The following EEPD1 variants were observed in gnomAD, a reference collection of about 807,000 sequenced individuals.
The protein encoded by EEPD1 is endonuclease/exonuclease/phosphatase family domain-containing protein 1.
In EEPD1, 17 loss-of-function variants were observed where a neutral mutation model predicts 46.3. That is an observed-to-expected ratio of 0.37 (90% CI 0.25 to 0.55). The LOEUF is 0.55. Among genes scored for constraint, EEPD1 ranks in the 20% least tolerant of loss-of-function variants. The pLI, the probability that EEPD1 is intolerant of heterozygous loss-of-function variation, is 0.83. For synonymous variants in EEPD1, 313 were observed against 315.6 expected, an observed-to-expected ratio of 0.99 and a Z score of 0.09; for missense variants, 673 against 745.6, an observed-to-expected ratio of 0.90 and a Z score of 1.13.
intron 3 of EEPD1, among the ~76,000 whole-genome samples, chr7:36,244,896 C>T (rs1170056794): frequency 6.6e-6 from 1 of 151,202 alleles, no homozygotes; most frequent in Non-Finnish European, 1.5e-5. Context: ...CCTCAGCCTC[C>T]TGAGTAGCTG....
chr7:36,245,478 G>A (rs1289177648), intron 3 of EEPD1, among the ~76,000 whole-genome samples: 2 of 152,068 alleles, frequency 1.3e-5, no homozygotes, highest in African/African-American at 2.4e-5. Context: ...AAATCAGTAG[G>A]GTTCTAGTTT....
chr7:36,299,224 G>GT lies in EEPD1; in HGVS notation c.*19dup, dbSNP rs574402588. On this transcript the variant is annotated 3_prime_UTR_variant, in exon 8 of 8. Transcript: ENST00000242108. Reference sequence around the variant, plus strand: ...AGCGATGATGACACCAAATCCATGTGTCCACCCTGGGACCCAGGAGGGCAC... The same window carrying GT: ...AGCGATGATGACACCAAATCCATGTGTTCCACCCTGGGACCCAGGAGGGCAC... 9.3e-4 allele frequency: 1,494 copies of GT among 1,610,954 alleles called. 22 individuals carry two copies. The South Asian group carries it at 0.016, about 17-fold the overall frequency.
At chr7:36,275,930 G>A (rs1045459175) in intron 3 of EEPD1, among the ~76,000 whole-genome samples, 8 of 152,108 alleles carry the variant, frequency 5.3e-5, no homozygotes, top group Non-Finnish European at 1.0e-4. Context: ...CCTGATCCAC[G>A]GCCGACCCAA....
intron 2 of EEPD1, among the ~76,000 whole-genome samples, chr7:36,197,230 G>A (rs1414129658): frequency 1.3e-5 from 2 of 149,246 alleles, no homozygotes; most frequent in African/African-American, 2.5e-5. Context: ...CACCCCGTCC[G>A]GGAGGGAGGT....
chr7:36,267,726 A>G (rs929202201), intron 3 of EEPD1, among the ~76,000 whole-genome samples: 1 of 152,092 alleles, frequency 6.6e-6, no homozygotes, highest in African/African-American at 2.4e-5. Flanking sequence ...TCCCCATTAT[A>G]GCTCCAGAAT....
intron 5 of EEPD1, 38 bp downstream of exon 5, chr7:36,284,858 TC>T: frequency 7.0e-7 from 1 of 1,436,072 alleles, no homozygotes; most frequent in Non-Finnish European, 9.2e-7. Context: ...GGAATCTGCT[TC>T]TTTCTAAAAA....
At chr7:36,238,871 G>T in intron 2 of EEPD1, 114 bp from the exon 3 acceptor site, 1 of 956,158 alleles carries the variant, frequency 1.0e-6, no homozygotes, top group South Asian at 1.7e-5. Context: ...GATGGCAGGT[G>T]ACATAGAAAT....
At chr7:36,259,725 A>T (rs972110347) in intron 3 of EEPD1, among the ~76,000 whole-genome samples, 2 of 152,184 alleles carry the variant, frequency 1.3e-5, no homozygotes, top group African/African-American at 4.8e-5. Context: ...TATGTTGCCC[A>T]GGCTGGTCTC....
intron 2 of EEPD1, among the ~76,000 whole-genome samples, chr7:36,156,925 A>G (rs1053436857): frequency 6.6e-6 from 1 of 152,008 alleles, no homozygotes; most frequent in African/African-American, 2.4e-5. Flanking sequence ...GGCCCTCCAT[A>G]CCTGTGGGTT....
At chr7:36,191,645 C>T (rs1785462547) in intron 2 of EEPD1, among the ~76,000 whole-genome samples, 1 of 152,194 alleles carries the variant, frequency 6.6e-6, no homozygotes, top group Non-Finnish European at 1.5e-5. Context: ...GAAGAAGGCT[C>T]AGACTGGGAA....
intron 2 of EEPD1, among the ~76,000 whole-genome samples, chr7:36,167,488 C>G (rs371317797): frequency 6.6e-6 from 1 of 152,058 alleles, no homozygotes; most frequent in Non-Finnish European, 1.5e-5. Context: ...GGGCCTGGAC[C>G]CTTGCACTTC....
chr7:36,219,577 GAAAGAAGA>G (rs1256539055), intron 2 of EEPD1, among the ~76,000 whole-genome samples: 4 of 144,802 alleles, frequency 2.8e-5, no homozygotes, highest in Admixed American at 7.1e-5. Flanking sequence ...GAGAGAGAAG[GAAAGAAGA>G]AAAGAAGAAG....
chr7:36,217,626 C>T (rs1036094316), intron 2 of EEPD1, among the ~76,000 whole-genome samples: 16 of 152,356 alleles, frequency 1.1e-4, no homozygotes, highest in African/African-American at 3.8e-4. Flanking sequence ...TGTTCTGGTT[C>T]AAATGCCTCT....
At chr7:36,291,427 CCT>C (rs1226844433) in intron 6 of EEPD1, among the ~76,000 whole-genome samples, 1 of 152,178 alleles carries the variant, frequency 6.6e-6, no homozygotes, top group Non-Finnish European at 1.5e-5. Context: ...CCTCTGGGAG[CCT>C]GTTTCGTACC....
At chr7:36,221,903 C>G (rs1267006679) in intron 2 of EEPD1, among the ~76,000 whole-genome samples, 1 of 152,178 alleles carries the variant, frequency 6.6e-6, no homozygotes, top group Admixed American at 6.5e-5. Flanking sequence ...TGGGACAGGT[C>G]CTCTGTGTCC....
chr7:36,202,922 G>C (rs1562685106), intron 2 of EEPD1, among the ~76,000 whole-genome samples: 1 of 152,198 alleles, frequency 6.6e-6, no homozygotes, highest in Non-Finnish European at 1.5e-5. Context: ...GGCATCTGAA[G>C]CAGGACAGTC....
At position 36,154,282 on chromosome 7, in the gene EEPD1, C is replaced by A. The variant is rs1268548395; in HGVS notation, c.-43C>A. On this transcript the variant is annotated 5_prime_UTR_variant, in exon 2 of 8. It adds an upstream start codon to the 5' untranslated region. Transcript: ENST00000242108. The surrounding 1 kb of genome is among the most constrained non-coding windows in gnomAD (Gnocchi z 4.2). ...CTTCCTCCCTAGCCAGAGAGCTCTTCTGCAGTGGTGCGGCCTTCCCGGGAG... is the reference window on the plus strand; with the variant it reads ...CTTCCTCCCTAGCCAGAGAGCTCTTATGCAGTGGTGCGGCCTTCCCGGGAG... 2 of 1,571,684 alleles carry A rather than the reference C, an allele frequency of 1.3e-6. No individual in the cohort carries two copies. The highest frequency in any genetic ancestry group is 1.7e-6 in the Non-Finnish European group (2 of 1,164,392).
rs1219764585 is a variant in EEPD1 at position 36,155,058 on chromosome 7, G to A, written c.734G>A (p.Arg245Gln). 1.3e-6 allele frequency: 2 copies of A among 1,595,938 alleles called. No homozygotes were observed. The highest frequency in any genetic ancestry group is 2.2e-5 in the East Asian group (1 of 44,722). Residue 245 changes from arginine to glutamine, a missense_variant, in exon 2 of 8, where the codon CGG becomes CAG. Transcript: ENST00000242108. ...PGGPTQIIST[R>Q]PSVEAFGGTR... ...GGGCCCACCCAGATTATCTCCACTC[G>A]GCCGTCCGTGGAGGCCTTTGGAGGC...
intron 5 of EEPD1, among the ~76,000 whole-genome samples, chr7:36,286,826 A>G (rs577556606): frequency 6.6e-6 from 1 of 152,182 alleles, no homozygotes; most frequent in East Asian, 1.9e-4. Flanking sequence ...ACCAGCTGTC[A>G]GAGTCACCTC....
Sources: gnomAD v4.1 joint callset for allele counts (sites outside exome capture counted in the v4.1 genomes callset) on GRCh38, gnomAD v4.1.1 for gene constraint, Gnocchi (gnomAD v3.1) non-coding constraint, MANE v1.5 for transcripts, NCBI Gene and HGNC (gene_info 2026-07-23, HGNC 2026-07-21) for gene names.